DENND6A: variants seen among roughly 807,000 people sequenced by gnomAD.
DENND6A encodes DENN domain containing 6A, also known as protein DENND6A.
DENND6A carries 43 observed loss-of-function variants against 95.5 expected under a neutral mutation model. That is an observed-to-expected ratio of 0.45 (90% CI 0.35 to 0.58). The LOEUF is 0.58. Ranked by LOEUF, DENND6A falls within the 20% of genes least tolerant of loss-of-function variation. The pLI is 0.00. For synonymous variants in DENND6A, 257 were observed against 260.4 expected (o/e 0.99, Z 0.13); for missense variants, 574 against 736.0 (o/e 0.78, Z 2.55).
rs538799255 is a variant in DENND6A at position 57,687,685 on chromosome 3, C to T, written c.237+5097G>A. Among the ~76,000 whole-genome samples the T allele has an allele frequency of 4.6e-5, 7 of 152,192 alleles. No homozygotes were observed. The South Asian group carries it at 1.0e-3, about 23-fold the overall frequency. Reference sequence around the variant, plus strand: ...TGGTCGCTCATGTCTGTAATCCTAGCACTTTAGGAGGTGGAGGCACGAGGA... The same window carrying T: ...TGGTCGCTCATGTCTGTAATCCTAGTACTTTAGGAGGTGGAGGCACGAGGA... On this transcript the variant is annotated intron_variant, in intron 1 of 19. Transcript: ENST00000311128.
In DENND6A at chr3:57,654,534, G is replaced by A. The variant is rs1430431493; in HGVS notation, c.818+3146C>T. The stretch of plus-strand genomic sequence containing the variant: ...GGTGGCAGGAGGTGATAACTGATGT[G>A]TCTCTCATTGTACTAGGAACAAATA... On this transcript the variant is annotated intron_variant, in intron 9 of 19. Transcript: ENST00000311128. 4.1e-6 allele frequency: 3 copies of A among 739,382 alleles called. No individual in the cohort carries two copies. The African/African-American group carries it at 5.8e-5, about 14-fold the overall frequency. The allele number at this position is 739,382 out of a possible 1,614,324, so 45.8% of individuals were successfully genotyped here. A position where few individuals can be genotyped will look rare whatever the true frequency, so the allele number is the denominator to read the frequency against.
intron 5 of DENND6A, among the ~76,000 whole-genome samples, chr3:57,663,151 CAAA>C (rs754194795): frequency 1.7e-4 from 7 of 40,126 alleles, no homozygotes; most frequent in African/African-American, 4.4e-4. Context: ...AACTCCATAT[CAAA>C]AAAAAAAAAA....
rs546314001 is a variant in DENND6A at position 57,674,827 on chromosome 3, C to T, written c.238-2389G>A. On this transcript the variant is annotated intron_variant, in intron 1 of 19. Transcript: ENST00000311128. ...TGGGATCATGTCTTTTATGGGAACA[C>T]GGATGAAGCTGGAGGCTATTATCCT... Among the ~76,000 whole-genome samples the T allele has an allele frequency of 5.3e-5, 8 of 152,210 alleles. No individual in the cohort carries two copies. The South Asian group carries it at 6.2e-4, about 12-fold the overall frequency.
Position 57,693,037 on chromosome 3 carries a change from T to C in DENND6A, c.-19A>G. The C allele has an allele frequency of 1.4e-6, 2 of 1,389,376 alleles. No homozygotes were observed. The highest frequency in any genetic ancestry group is 1.9e-6 in the Non-Finnish European group (2 of 1,080,898). The allele number at this position is 1,389,376 out of a possible 1,614,324, so 86.1% of individuals were successfully genotyped here. A position where few individuals can be genotyped will look rare whatever the true frequency, so the allele number is the denominator to read the frequency against. ...AAGCCATCGGCCGCCCCCTGACCGT[T>C]CGCGCCGCCTCCACAGCGGACCGCG... On this transcript the variant is annotated 5_prime_UTR_variant, in exon 1 of 20. Transcript: ENST00000311128.
At chr3:57,629,572 C>T (rs555193391) in intron 18 of DENND6A, among the ~76,000 whole-genome samples, 77 of 139,236 alleles carry the variant, frequency 5.5e-4, no homozygotes, top group Non-Finnish European at 8.6e-4. Context: ...AGCACAGTGG[C>T]GCGATCTCAG....
At chr3:57,670,402 G>C (rs1474867857) in intron 3 of DENND6A, among the ~76,000 whole-genome samples, 2 of 152,176 alleles carry the variant, frequency 1.3e-5, no homozygotes, top group Non-Finnish European at 1.5e-5. Flanking sequence ...GACTTCTAGG[G>C]GTGGTAATCT....
chr3:57,670,031 AAAAAAAG>A (rs1373549381), intron 3 of DENND6A, among the ~76,000 whole-genome samples: 33 of 150,716 alleles, frequency 2.2e-4, no homozygotes, highest in South Asian at 6.2e-4. Flanking sequence ...AAAAAAAAAA[AAAAAAAG>A]AAAAAAGAAA....
chr3:57,669,753 G>A (rs546522720), intron 3 of DENND6A, among the ~76,000 whole-genome samples: 3 of 149,922 alleles, frequency 2.0e-5, no homozygotes, highest in East Asian at 4.0e-4. Flanking sequence ...CGGGTGCAGT[G>A]GTTCACACCT....
chr3:57,635,450 G>T (rs1049582264), intron 12 of DENND6A, among the ~76,000 whole-genome samples: 1 of 152,054 alleles, frequency 6.6e-6, no homozygotes, highest in Non-Finnish European at 1.5e-5. Context: ...AATACCTCAA[G>T]ATACACTTAA....
At chr3:57,653,836 T>C (rs1302525050) in intron 9 of DENND6A, among the ~76,000 whole-genome samples, 2 of 151,732 alleles carry the variant, frequency 1.3e-5, no homozygotes, top group African/African-American at 4.8e-5. Flanking sequence ...ACTGGGTTTT[T>C]TTTTTTTAGT....
intron 5 of DENND6A, 27 bp from the exon 6 acceptor site, chr3:57,661,578 T>C (rs1002306417): frequency 4.6e-6 from 7 of 1,523,392 alleles, no homozygotes; most frequent in Middle Eastern, 1.7e-4. Flanking sequence ...AACAATGTTT[T>C]AAAAATTGCT....
At chr3:57,682,347 C>CT (rs76346129) in intron 1 of DENND6A, among the ~76,000 whole-genome samples, 19,653 of 146,274 alleles carry the variant, frequency 0.13, 1,402 homozygotes, top group South Asian at 0.22. Flanking sequence ...TTACACACTG[C>CT]TTTTTTCCTT....
At chr3:57,674,638 C>G (rs2071679648) in intron 1 of DENND6A, among the ~76,000 whole-genome samples, 1 of 151,970 alleles carries the variant, frequency 6.6e-6, no homozygotes. Context: ...ACTCTTATCT[C>G]AAAAAATAAA....
At chr3:57,628,448 T>C in intron 19 of DENND6A, 103 bp from the exon 20 acceptor site, 6 of 1,431,266 alleles carry the variant, frequency 4.2e-6, no homozygotes, top group Non-Finnish European at 5.5e-6. Context: ...AATTAGATAC[T>C]TTCAGTCTTA....
intron 10 of DENND6A, 39 bp downstream of exon 10, chr3:57,646,277 C>CA (rs140841663): frequency 0.046 from 57,287 of 1,255,230 alleles, 365 homozygotes; most frequent in African/African-American, 0.06. Context: ...CTGCAGCATC[C>CA]AAAAAAAAAA....
intron 12 of DENND6A, among the ~76,000 whole-genome samples, chr3:57,639,505 G>A (rs1048397017): frequency 2.0e-5 from 3 of 152,044 alleles, no homozygotes; most frequent in African/African-American, 7.2e-5. Context: ...AAATTAGTAG[G>A]CCCAAACCAT....
chr3:57,644,797 AGGGGT>A, intron 11 of DENND6A, among the ~76,000 whole-genome samples: 1 of 3,930 alleles, frequency 2.5e-4, no homozygotes, highest in African/African-American at 1.6e-3. Context: ...TGGGGAGGGG[AGGGGT>A]GGGGAGGGGA....
chr3:57,677,565 A>C (rs10470695), intron 1 of DENND6A, among the ~76,000 whole-genome samples: 58,465 of 151,100 alleles, frequency 0.39, 12,626 homozygotes, highest in South Asian at 0.57. Flanking sequence ...CCTCCTCAGT[A>C]GCTGGGACTA....
At chr3:57,683,763 T>G (rs1032475678) in intron 1 of DENND6A, among the ~76,000 whole-genome samples, 5 of 152,146 alleles carry the variant, frequency 3.3e-5, no homozygotes, top group Non-Finnish European at 7.3e-5. Context: ...AACAACACAG[T>G]ATAGTGGGGG....
Sources: gnomAD v4.1 joint callset for allele counts (sites outside exome capture counted in the v4.1 genomes callset) on GRCh38, gnomAD v4.1.1 for gene constraint, MANE v1.5 for transcripts, NCBI Gene and HGNC (gene_info 2026-07-23, HGNC 2026-07-21) for gene names.